Variants in OSBP2 observed in about 807,000 individuals in gnomAD.
OSBP2 encodes the protein oxysterol binding protein 2.
In OSBP2, 66 loss-of-function variants were observed where a neutral mutation model predicts 96.0. The observed-to-expected ratio is 0.69, with a 90% CI of 0.56 to 0.84. The LOEUF is 0.84. Ranked by LOEUF, OSBP2 falls within the 40% of genes least tolerant of loss-of-function variation. The pLI is 0.00. For missense variants in OSBP2, 1,038 were observed against 1,222.7 expected, an observed-to-expected ratio of 0.85 and a Z score of 2.25; for synonymous variants, 525 against 520.9, an observed-to-expected ratio of 1.01 and a Z score of -0.11.
intron 2 of OSBP2, among the ~76,000 whole-genome samples, chr22:30,744,761 AAAACAAAC>A (rs371095235): frequency 0.013 from 1,968 of 152,122 alleles, 21 homozygotes; most frequent in Non-Finnish European, 0.02. Context: ...ACTCTGTCTC[AAAACAAAC>A]AAACAAACAA....
At position 30,695,455 on chromosome 22, in the gene OSBP2, G is replaced by C. The variant is rs1290413257; in HGVS notation, c.546G>C (p.Leu182=). 6.2e-7 allele frequency: 1 copy of C among 1,613,518 alleles called. No homozygotes were observed. The change falls in exon 1 of 14, where the codon CTG becomes CTC. Residue 182 remains leucine, a synonymous_variant. Coordinates refer to ENST00000332585, the MANE Select transcript of OSBP2 (RefSeq NM_030758.4). ...GTGCCCCACTGGCCTTACTGCCTCT[G>C]GACAGCTTCGAGGGCTGGCTTCTCA... ...TSSAPLALLP[L]DSFEGWLLKW...
intron 2 of OSBP2, among the ~76,000 whole-genome samples, chr22:30,847,964 A>G (rs2038904494): frequency 6.6e-6 from 1 of 152,104 alleles, no homozygotes; most frequent in Admixed American, 6.5e-5. Context: ...TTTCTTATAC[A>G]TTCTTTTAAA....
At chr22:30,834,603 A>G (rs2147013188) in intron 2 of OSBP2, among the ~76,000 whole-genome samples, 1 of 152,254 alleles carries the variant, frequency 6.6e-6, no homozygotes, top group East Asian at 1.9e-4. Context: ...CTAATAACTG[A>G]TAATGTTGAA....
intron 12 of OSBP2, among the ~76,000 whole-genome samples, chr22:30,905,361 C>G (rs2040307415): frequency 1.3e-5 from 2 of 151,690 alleles, no homozygotes; most frequent in African/African-American, 4.8e-5. Flanking sequence ...CCAGGCTGGT[C>G]TCGAACTCCT....
At chr22:30,803,882 A>G (rs915440817) in intron 2 of OSBP2, among the ~76,000 whole-genome samples, 4 of 152,144 alleles carry the variant, frequency 2.6e-5, no homozygotes. Context: ...TGCCTGTCAC[A>G]GGAAAAGCCC....
intron 2 of OSBP2, among the ~76,000 whole-genome samples, chr22:30,863,322 C>T (rs1055000051): frequency 6.6e-6 from 1 of 152,176 alleles, no homozygotes; most frequent in African/African-American, 2.4e-5. Flanking sequence ...TTGGAGGCGC[C>T]AACCACACGG....
At chr22:30,888,770 T>G (rs111646760) in intron 5 of OSBP2, among the ~76,000 whole-genome samples, 3,144 of 152,212 alleles carry the variant, frequency 0.021, 114 homozygotes, top group African/African-American at 0.072. Flanking sequence ...TGGGATTTCA[T>G]TGTTGTGTGA....
intron 2 of OSBP2, among the ~76,000 whole-genome samples, chr22:30,761,259 CAG>C (rs1569112415): frequency 1.3e-5 from 2 of 152,140 alleles, no homozygotes; most frequent in Non-Finnish European, 2.9e-5. Context: ...AACAAGGTCA[CAG>C]AATACAAGGT....
At chr22:30,863,207 C>G (rs1470344120) in intron 2 of OSBP2, among the ~76,000 whole-genome samples, 2 of 152,140 alleles carry the variant, frequency 1.3e-5, no homozygotes, top group African/African-American at 4.8e-5. Flanking sequence ...AAGCCTTTCT[C>G]TCTGTTATCA....
intron 2 of OSBP2, among the ~76,000 whole-genome samples, chr22:30,806,018 G>T (rs2090923541): frequency 6.6e-6 from 1 of 152,170 alleles, no homozygotes; most frequent in Non-Finnish European, 1.5e-5. Flanking sequence ...CTTCTGTCCT[G>T]TATGCCCTAT....
intron 2 of OSBP2, among the ~76,000 whole-genome samples, chr22:30,753,345 C>T (rs1480586903): frequency 6.6e-6 from 1 of 151,974 alleles, no homozygotes; most frequent in African/African-American, 2.4e-5. Context: ...AAGAGGACTC[C>T]AGGTGGTGGG....
Position 30,893,573 on chromosome 22 carries a change from G to T in OSBP2, c.2094+7G>T. 1 of 1,613,810 alleles carries T rather than the reference G, an allele frequency of 6.2e-7. No individual in the cohort carries two copies. Among genetic ancestry groups the T allele is most frequent in the Non-Finnish European group, 8.5e-7 (1 of 1,179,734 alleles). ...CAAGCTCTGGATCGACCAGGTCAGG[G>T]GCGCCCTTGGGGAGGGGGTGCATGG... is the stretch of plus-strand genomic sequence containing the variant. On this transcript the variant is annotated splice_region_variant and intron_variant, in intron 10 of 13. Transcript: ENST00000332585.
At chr22:30,905,805 A>C in intron 12 of OSBP2, 32 bp from the exon 13 acceptor site, 2 of 1,608,316 alleles carry the variant, frequency 1.2e-6, no homozygotes, top group Non-Finnish European at 1.7e-6. Context: ...CTCACACCGC[A>C]GCCACCGCCA....
chr22:30,885,770 G>A (rs1355421081), intron 3 of OSBP2, among the ~76,000 whole-genome samples: 1 of 152,250 alleles, frequency 6.6e-6, no homozygotes, highest in Non-Finnish European at 1.5e-5. Context: ...ATGAGCAACA[G>A]CAGCCACCTC....
chr22:30,800,156 A>G (rs1173719164), intron 2 of OSBP2, among the ~76,000 whole-genome samples: 1 of 152,232 alleles, frequency 6.6e-6, no homozygotes, highest in Non-Finnish European at 1.5e-5. Context: ...TGCTCATTCA[A>G]GAGCTATTAA....
chr22:30,699,965 TC>T (rs1330168324), intron 1 of OSBP2, among the ~76,000 whole-genome samples: 14 of 151,752 alleles, frequency 9.2e-5, no homozygotes, highest in Admixed American at 3.9e-4. Flanking sequence ...ATTCTTTTTT[TC>T]TTTTTTTTTT....
chr22:30,847,483 T>C (rs979121796), intron 2 of OSBP2, among the ~76,000 whole-genome samples: 2 of 152,094 alleles, frequency 1.3e-5, no homozygotes, highest in African/African-American at 4.8e-5. Flanking sequence ...GATTTCACCA[T>C]GTCGGCCAGG....
intron 2 of OSBP2, among the ~76,000 whole-genome samples, chr22:30,815,196 C>G (rs974807298): frequency 6.6e-6 from 1 of 152,218 alleles, no homozygotes; most frequent in African/African-American, 2.4e-5. Flanking sequence ...GGTGGGAGGA[C>G]GGCTTGAGCC....
intron 2 of OSBP2, among the ~76,000 whole-genome samples, chr22:30,801,363 G>T (rs1200939519): frequency 1.3e-5 from 2 of 152,166 alleles, no homozygotes; most frequent in African/African-American, 2.4e-5. Context: ...TGTGGCATGT[G>T]CTTCCTTTCT....
Sources: gnomAD v4.1 joint callset for allele counts (sites outside exome capture counted in the v4.1 genomes callset) on GRCh38, gnomAD v4.1.1 for gene constraint, MANE v1.5 for transcripts, NCBI Gene and HGNC (gene_info 2026-07-23, HGNC 2026-07-21) for gene names.